The following MYO1E variants were observed in gnomAD, a reference collection of about 807,000 sequenced individuals.
MYO1E encodes myosin IE.
In MYO1E, 68 loss-of-function variants were observed where a neutral mutation model predicts 151.1. The ratio of observed to expected loss-of-function variants is 0.45; its 90% confidence interval spans 0.37 to 0.55. MYO1E has a LOEUF of 0.55. Ranked by LOEUF, MYO1E falls within the 20% of genes least tolerant of loss-of-function variation. The pLI, the probability that MYO1E is intolerant of heterozygous loss-of-function variation, is 0.00. For missense variants in MYO1E, 1,363 were observed against 1,389.3 expected (o/e 0.98, Z 0.30); for synonymous variants, 601 against 501.7 (o/e 1.20, Z -2.64).
Position 59,305,095 on chromosome 15 carries a change from C to T in MYO1E, c.4-32646G>A, listed in dbSNP as rs181971820. ...GTATAGCGTCCACTGTCACCAGTTCCTGGAGGTCAGGGCTTGCTTTTTTCT... is the reference window on the plus strand; with the variant it reads ...GTATAGCGTCCACTGTCACCAGTTCTTGGAGGTCAGGGCTTGCTTTTTTCT... On this transcript the variant is annotated intron_variant, in intron 1 of 27. Coordinates refer to ENST00000288235, the MANE Select transcript of MYO1E (RefSeq NM_004998.4). 3.6e-3 allele frequency among the ~76,000 whole-genome samples: 547 copies of T among 152,372 alleles called. 2 individuals carry two copies. Among genetic ancestry groups the T allele is most frequent in the Non-Finnish European group, 5.7e-3 (391 of 68,034 alleles).
intron 12 of MYO1E, among the ~76,000 whole-genome samples, 169 bp downstream of exon 12, chr15:59,214,059 C>A (rs1347601755): frequency 1.3e-5 from 2 of 152,172 alleles, no homozygotes; most frequent in Non-Finnish European, 2.9e-5. Context: ...ATTTATATTT[C>A]ATAGATTAAA....
In MYO1E at chr15:59,159,584, T is replaced by C. The variant is rs1295159129; in HGVS notation, c.2786-1205A>G. Among the ~76,000 whole-genome samples the C allele has an allele frequency of 1.3e-5, 2 of 152,184 alleles. No homozygotes were observed. The highest frequency in any genetic ancestry group is 1.5e-5 in the Non-Finnish European group (1 of 68,042). Reference sequence around the variant, plus strand: ...GCTTCAGGTTTGCGGATAATAATGATTTCCTGCCACTCCCTTTCCCTGGGT... The same window carrying C: ...GCTTCAGGTTTGCGGATAATAATGACTTCCTGCCACTCCCTTTCCCTGGGT... On this transcript the variant is annotated intron_variant, in intron 24 of 27. Transcript: ENST00000288235. This position sits in a 1 kb window ranked among gnomAD's most constrained non-coding sequence, Gnocchi z 4.4.
intron 14 of MYO1E, chr15:59,208,148 G>A (rs1436961997): frequency 7.9e-6 from 11 of 1,399,610 alleles, no homozygotes; most frequent in East Asian, 2.3e-5. Flanking sequence ...ATTATATAAC[G>A]AAATTTTGAA....
chr15:59,229,375 T>G (rs373010091), intron 6 of MYO1E, among the ~76,000 whole-genome samples: 1 of 152,164 alleles, frequency 6.6e-6, no homozygotes, highest in East Asian at 1.9e-4. Flanking sequence ...TTATGTGTGG[T>G]CAAGGTTGAG....
intron 1 of MYO1E, among the ~76,000 whole-genome samples, chr15:59,354,498 C>T (rs774465815): frequency 6.6e-6 from 1 of 152,128 alleles, no homozygotes; most frequent in Non-Finnish European, 1.5e-5. Flanking sequence ...AAAGCCCTCG[C>T]TTGGGGTCAC....
At chr15:59,323,450 AGACCATCCT>A (rs2080641140) in intron 1 of MYO1E, among the ~76,000 whole-genome samples, 1 of 151,968 alleles carries the variant, frequency 6.6e-6, no homozygotes. Context: ...CAGGAGATCG[AGACCATCCT>A]GGTTAACATG....
intron 1 of MYO1E, among the ~76,000 whole-genome samples, chr15:59,370,038 T>C (rs2080936022): frequency 6.6e-6 from 1 of 152,134 alleles, no homozygotes; most frequent in Non-Finnish European, 1.5e-5. Context: ...CTTGAACTCC[T>C]GGGCTCAAGT....
At chr15:59,308,764 A>G (rs1354005759) in intron 1 of MYO1E, among the ~76,000 whole-genome samples, 3 of 151,316 alleles carry the variant, frequency 2.0e-5, no homozygotes, top group Non-Finnish European at 4.4e-5. Flanking sequence ...GCTTGAACCC[A>G]GGAGACGGAG....
rs369536986 is a variant in MYO1E at position 59,188,416 on chromosome 15, C to T, written c.1806-200G>A. 1.5e-3 allele frequency among the ~76,000 whole-genome samples: 230 copies of T among 152,288 alleles called. 3 individuals are homozygous for T. Among genetic ancestry groups the T allele is most frequent in the Admixed American group, 4.2e-3 (65 of 15,296 alleles). ...TAAATATTGAAATACAGCAATTAGGCTGGGCGCAGTGGCTCACACCTGTAA... is the reference window on the plus strand; with the variant it reads ...TAAATATTGAAATACAGCAATTAGGTTGGGCGCAGTGGCTCACACCTGTAA... On this transcript the variant is annotated intron_variant, in intron 17 of 27. Transcript: ENST00000288235.
In MYO1E at chr15:59,132,976, T is replaced by C. The variant is rs529154043; in HGVS notation, c.*4404A>G. The stretch of plus-strand genomic sequence containing the variant: ...TTTTATGCGTGAGTTTTCTTCTCTC[T>C]CTCTTTTTAAATAGACTTTTATGTT... On this transcript the variant is annotated 3_prime_UTR_variant, in exon 28 of 28. Transcript: ENST00000288235. The C allele has an allele frequency of 1.3e-5, 2 of 152,352 alleles. No homozygotes were observed. Among genetic ancestry groups the C allele is most frequent in the South Asian group, 2.1e-4 (1 of 4,832 alleles). 9.4% of individuals were successfully genotyped at this position (152,352 alleles called of 1,614,324 possible).
intron 1 of MYO1E, among the ~76,000 whole-genome samples, chr15:59,339,462 A>T (rs192019498): frequency 6.6e-6 from 1 of 152,148 alleles, no homozygotes; most frequent in Admixed American, 6.5e-5. Context: ...GTATTTCTCA[A>T]CTTCACTACC....
chr15:59,330,502 T>C (rs1261192882), intron 1 of MYO1E, among the ~76,000 whole-genome samples: 1 of 152,240 alleles, frequency 6.6e-6, no homozygotes, highest in Non-Finnish European at 1.5e-5. Flanking sequence ...TCCCAAGGTC[T>C]GTTGTCAGGT....
Position 59,293,807 on chromosome 15 carries a change from T to C in MYO1E, c.4-21358A>G, listed in dbSNP as rs968994848. ...CCTGTAATCCCAGCACTTTGAGAGG[T>C]TGAAGTGGGTGGATCACTTGAGCCT... On this transcript the variant is annotated intron_variant, in intron 1 of 27. Transcript: ENST00000288235. Among the ~76,000 whole-genome samples the C allele has an allele frequency of 3.3e-5, 5 of 151,932 alleles. No individual in the cohort carries two copies. The East Asian group carries it at 5.8e-4, about 18-fold the overall frequency.
chr15:59,179,217 T>C (rs957463842), intron 18 of MYO1E, among the ~76,000 whole-genome samples: 1 of 152,146 alleles, frequency 6.6e-6, no homozygotes, highest in Non-Finnish European at 1.5e-5. Flanking sequence ...CTTGGGTGTC[T>C]CACCTTCAGT....
intron 1 of MYO1E, among the ~76,000 whole-genome samples, chr15:59,339,048 C>T (rs923987983): frequency 9.2e-5 from 14 of 152,226 alleles, no homozygotes; most frequent in African/African-American, 3.1e-4. Context: ...ATGAGAATTG[C>T]TTGAACCTGG....
At chr15:59,165,547 G>C (rs1390815339) in intron 22 of MYO1E, among the ~76,000 whole-genome samples, 2 of 152,146 alleles carry the variant, frequency 1.3e-5, no homozygotes, top group African/African-American at 4.8e-5. Context: ...ACAAGCAGTG[G>C]TTTAAACAAT....
In MYO1E at chr15:59,134,221, T is replaced by C. The variant is rs1274994180; in HGVS notation, c.*3159A>G. On this transcript the variant is annotated 3_prime_UTR_variant, in exon 28 of 28. Coordinates refer to ENST00000288235, the MANE Select transcript of MYO1E (RefSeq NM_004998.4). ...TTCATTGGGCTGGACTTGGTAGTAG[T>C]GGGGAGTCAGGTTTGATTACGATGG... 6.6e-6 allele frequency: 1 copy of C among 152,296 alleles called. No individual in the cohort carries two copies. The highest frequency in any genetic ancestry group is 6.5e-5 in the Admixed American group (1 of 15,268). 9.4% of individuals were successfully genotyped at this position (152,296 alleles called of 1,614,324 possible). A position where few individuals can be genotyped will look rare whatever the true frequency, so the allele number is the denominator to read the frequency against.
At chr15:59,236,425 CACAT>C (rs1183374166) in intron 5 of MYO1E, among the ~76,000 whole-genome samples, 156 bp downstream of exon 5, 10 of 147,650 alleles carry the variant, frequency 6.8e-5, no homozygotes, top group African/African-American at 2.5e-4. Context: ...CACACAAACA[CACAT>C]ACATATGCTA....
At chr15:59,182,589 G>C (rs1271377149) in intron 18 of MYO1E, among the ~76,000 whole-genome samples, 1 of 152,186 alleles carries the variant, frequency 6.6e-6, no homozygotes, top group Admixed American at 6.5e-5. Flanking sequence ...AAGGCTATTT[G>C]TCTGTTCTGA....
Sources: gnomAD v4.1 joint callset for allele counts (sites outside exome capture counted in the v4.1 genomes callset) on GRCh38, gnomAD v4.1.1 for gene constraint, Gnocchi (gnomAD v3.1) non-coding constraint, MANE v1.5 for transcripts, NCBI Gene and HGNC (gene_info 2026-07-23, HGNC 2026-07-21) for gene names.